Variants in MINDY2 observed in about 807,000 individuals in gnomAD.
The protein encoded by MINDY2 is ubiquitin carboxyl-terminal hydrolase MINDY-2.
A neutral mutation model predicts 68.2 loss-of-function variants in MINDY2; 52 were observed. The ratio of observed to expected loss-of-function variants is 0.76; its 90% CI spans 0.61 to 0.96. The LOEUF (loss-of-function observed/expected upper bound fraction) is 0.96, where lower values mean the gene tolerates loss of function less well. Among genes scored for constraint, MINDY2 ranks in the 40% least tolerant of loss-of-function variants. The pLI, the probability that MINDY2 is intolerant of heterozygous loss-of-function variation, is 0.00. For synonymous variants in MINDY2, 372 were observed against 303.0 expected, an observed-to-expected ratio of 1.23 and a Z score of -2.36; for missense variants, 881 against 773.4, an observed-to-expected ratio of 1.14 and a Z score of -1.65.
At chr15:58,791,193 G>A (rs1405445109) in intron 2 of MINDY2, among the ~76,000 whole-genome samples, 2 of 118,094 alleles carry the variant, frequency 1.7e-5, no homozygotes, top group Non-Finnish European at 1.9e-5. Context: ...AAAAAAAAAA[G>A]GGAGCCATCA....
intron 1 of MINDY2, among the ~76,000 whole-genome samples, chr15:58,787,140 C>CTTTTTTTTTTTTT (rs58374538): frequency 1.2e-4 from 9 of 78,144 alleles, no homozygotes; most frequent in African/African-American, 2.8e-4. Context: ...CATTTCTTTA[C>CTTTTTTTTTTTTT]TTTTTTTTTT....
At chr15:58,837,455 C>T (rs1259875933) in intron 6 of MINDY2, among the ~76,000 whole-genome samples, 4 of 151,564 alleles carry the variant, frequency 2.6e-5, no homozygotes, top group African/African-American at 7.3e-5. Context: ...CACCTATAGT[C>T]CCAGTTACTA....
intron 2 of MINDY2, 97 bp from the exon 3 acceptor site, chr15:58,802,216 C>T: frequency 1.3e-6 from 1 of 768,916 alleles, no homozygotes; most frequent in Non-Finnish European, 2.1e-6. Context: ...ACTATAGCTA[C>T]AGTGTTTTAA....
chr15:58,775,407 A>T (rs1280353144), intron 1 of MINDY2, among the ~76,000 whole-genome samples: 1 of 152,202 alleles, frequency 6.6e-6, no homozygotes, highest in East Asian at 1.9e-4. Context: ...ACCCATGGCT[A>T]TAGGTGTTTA....
chr15:58,832,148 C>A (rs1417430124), intron 6 of MINDY2, among the ~76,000 whole-genome samples: 6 of 151,082 alleles, frequency 4.0e-5, no homozygotes, highest in African/African-American at 1.5e-4. Context: ...TTTCACAGAT[C>A]TTTGCAGTAA....
chr15:58,852,978 A>T, intron 8 of MINDY2, among the ~76,000 whole-genome samples: 1 of 65,058 alleles, frequency 1.5e-5, no homozygotes, highest in East Asian at 4.0e-4. Context: ...TTTAAGACAG[A>T]GTCTCACTCT....
At position 58,771,451 on chromosome 15, in the gene MINDY2, C is replaced by A; in HGVS notation, c.56C>A (p.Pro19Gln). 6.2e-7 allele frequency: 1 copy of A among 1,612,364 alleles called. No homozygotes were observed. Among genetic ancestry groups the A allele is most frequent in the Non-Finnish European group, 8.5e-7 (1 of 1,179,738 alleles). The change falls in exon 1 of 9, where the codon CCA becomes CAA. Residue 19 changes from proline to glutamine, a missense_variant. Physicochemically the swap from Pro to Gln is moderately conservative, Grantham distance 76 (BLOSUM62 -1). Coordinates refer to ENST00000559228, the MANE Select transcript of MINDY2 (RefSeq NM_001040450.3). ...CTAGAACACGGGGTGGCGGCCGGGC[C>A]AGCGTCAGGGACAGGTTCTTCGCAG... Reference protein sequence around the residue: ...QPLEHGVAAGPASGTGSSQEG... With the variant: ...QPLEHGVAAGQASGTGSSQEG...
intron 5 of MINDY2, among the ~76,000 whole-genome samples, chr15:58,826,419 G>T (rs1377922497): frequency 3.3e-5 from 5 of 151,730 alleles, no homozygotes; most frequent in African/African-American, 1.2e-4. Context: ...AGTAGAGATG[G>T]GGTTTCTCTG....
chr15:58,807,249 T>G (rs1427964483), intron 3 of MINDY2, among the ~76,000 whole-genome samples: 8 of 152,110 alleles, frequency 5.3e-5, no homozygotes, highest in Non-Finnish European at 1.0e-4. Context: ...TAAAAGTGTG[T>G]TAAATTTTAT....
rs1213026117 is a variant in MINDY2, at chr15:58,860,529, G to GC, written c.*5923dup. ...GCAGAGGTTGCAGTGAGCCAAGATTGCCCCACTGCACTCCAGCCTGGGCGA... is the reference window on the plus strand; with the variant it reads ...GCAGAGGTTGCAGTGAGCCAAGATTGCCCCCACTGCACTCCAGCCTGGGCGA... On this transcript the variant is annotated 3_prime_UTR_variant, in exon 9 of 9. Transcript: ENST00000559228. 2 of 145,660 alleles carry GC rather than the reference G, an allele frequency of 1.4e-5. No individual in the cohort carries two copies. 9.0% of individuals were successfully genotyped at this position (145,660 alleles called of 1,614,324 possible). A position where few individuals can be genotyped will look rare whatever the true frequency, so the allele number is the denominator to read the frequency against.
At chr15:58,829,056 T>G (rs1180001866) in intron 5 of MINDY2, among the ~76,000 whole-genome samples, 1 of 152,164 alleles carries the variant, frequency 6.6e-6, no homozygotes, top group Non-Finnish European at 1.5e-5. Flanking sequence ...ATAACACCTC[T>G]TTGAGCGTTA....
chr15:58,846,847 A>T (rs1567075784), intron 6 of MINDY2, among the ~76,000 whole-genome samples: 1 of 152,172 alleles, frequency 6.6e-6, no homozygotes, highest in Admixed American at 6.6e-5. Flanking sequence ...ATTGGTGTAT[A>T]AAAGAAGAGC....
intron 3 of MINDY2, among the ~76,000 whole-genome samples, chr15:58,802,685 CT>C (rs1242253926): frequency 6.6e-6 from 1 of 151,708 alleles, no homozygotes; most frequent in Admixed American, 6.6e-5. Context: ...GAAAAATTGA[CT>C]TCCAGGTCAA....
In MINDY2 at chr15:58,771,589, A is replaced by C. The variant is rs2140876044; in HGVS notation, c.194A>C (p.Asp65Ala). The C allele has an allele frequency of 6.2e-7, 1 of 1,611,550 alleles. No individual in the cohort carries two copies. The highest frequency in any genetic ancestry group is 8.5e-7 in the Non-Finnish European group (1 of 1,179,674). The change falls in exon 1 of 9, where the codon GAC (aspartate) becomes GCC (alanine). Residue 65 changes from aspartate to alanine, a missense_variant. Asp to Ala is a moderately radical substitution (Grantham distance 126). Transcript: ENST00000559228. The part of the protein sequence containing the change: ...GAAAARRSLP[D>A]SASPAGSPEV... Reference sequence around the variant, plus strand: ...GCGGCCGCCAGGAGGAGCCTCCCGGACTCGGCTTCTCCCGCGGGCTCTCCT... The same window carrying C: ...GCGGCCGCCAGGAGGAGCCTCCCGGCCTCGGCTTCTCCCGCGGGCTCTCCT...
chr15:58,833,492 G>A (rs964779324), intron 6 of MINDY2, among the ~76,000 whole-genome samples: 18 of 152,178 alleles, frequency 1.2e-4, no homozygotes, highest in Admixed American at 5.2e-4. Context: ...GATCCACGCC[G>A]GCACCGGCCT....
intron 4 of MINDY2, among the ~76,000 whole-genome samples, chr15:58,812,522 A>G (rs1467700649): frequency 6.6e-6 from 1 of 152,150 alleles, no homozygotes; most frequent in East Asian, 1.9e-4. Flanking sequence ...GTAATTTTGC[A>G]AAATTTAGTA....
intron 2 of MINDY2, among the ~76,000 whole-genome samples, chr15:58,791,628 G>A (rs1488050421): frequency 2.9e-5 from 4 of 137,710 alleles, no homozygotes; most frequent in African/African-American, 1.3e-4. Flanking sequence ...AAATATGTGT[G>A]TGTGTGTGTG....
At chr15:58,845,985 G>A (rs905876991) in intron 6 of MINDY2, among the ~76,000 whole-genome samples, 2 of 151,900 alleles carry the variant, frequency 1.3e-5, no homozygotes, top group Non-Finnish European at 2.9e-5. Flanking sequence ...ATTTTTGCGG[G>A]CTAGAAATTA....
At chr15:58,775,516 A>G (rs2140888970) in intron 1 of MINDY2, among the ~76,000 whole-genome samples, 1 of 152,346 alleles carries the variant, frequency 6.6e-6, no homozygotes. Context: ...GCTAGAAGTA[A>G]GATTGTAGTG....
Sources: gnomAD v4.1 joint callset for allele counts (sites outside exome capture counted in the v4.1 genomes callset) on GRCh38, gnomAD v4.1.1 for gene constraint, MANE v1.5 for transcripts, NCBI Gene and HGNC (gene_info 2026-07-23, HGNC 2026-07-21) for gene names.